DRC1: variants seen among roughly 807,000 people sequenced by gnomAD.
DRC1 encodes dynein regulatory complex protein 1.
A neutral mutation model predicts 98.7 loss-of-function variants in DRC1; 74 were observed. The ratio of observed to expected loss-of-function variants is 0.75; its 90% CI spans 0.62 to 0.91. The LOEUF is 0.91. Ranked by LOEUF, DRC1 falls within the 40% of genes least tolerant of loss-of-function variation. The probability of loss-of-function intolerance (pLI) is 0.00; values close to 1 mark genes in which losing one functional copy is unlikely to be tolerated. For synonymous variants in DRC1, 336 were observed against 334.1 expected (o/e 1.01, Z -0.06); for missense variants, 875 against 886.0 (o/e 0.99, Z 0.16).
chr2:26,430,908 G>T, intron 6 of DRC1, 36 bp downstream of exon 6: 1 of 1,557,712 alleles, frequency 6.4e-7, no homozygotes, highest in East Asian at 2.3e-5. Flanking sequence ...GATCCGTGGG[G>T]TCTGGGTGAT....
At chr2:26,411,372 T>C (rs555223200) in intron 1 of DRC1, among the ~76,000 whole-genome samples, 2 of 152,362 alleles carry the variant, frequency 1.3e-5, no homozygotes, top group African/African-American at 4.8e-5. Context: ...ACTGATGAGA[T>C]ATATTGCAAA....
intron 4 of DRC1, among the ~76,000 whole-genome samples, chr2:26,428,255 C>G (rs554612046): frequency 6.6e-6 from 1 of 152,320 alleles, no homozygotes; most frequent in South Asian, 2.1e-4. Flanking sequence ...GAAATACAGT[C>G]ATGCATCACT....
chr2:26,414,923 T>C (rs1450466727), intron 2 of DRC1, among the ~76,000 whole-genome samples: 1 of 152,170 alleles, frequency 6.6e-6, no homozygotes, highest in Non-Finnish European at 1.5e-5. Flanking sequence ...AACAACCATC[T>C]CAAGACCCAA....
chr2:26,432,709 G>A (rs1358071116), intron 7 of DRC1, among the ~76,000 whole-genome samples: 1 of 152,234 alleles, frequency 6.6e-6, no homozygotes, highest in African/African-American at 2.4e-5. Flanking sequence ...CACTTTGGCT[G>A]TGTCAGAGAG....
At chr2:26,407,822 T>C (rs918345480) in intron 1 of DRC1, among the ~76,000 whole-genome samples, 1 of 152,176 alleles carries the variant, frequency 6.6e-6, no homozygotes, top group South Asian at 2.1e-4. Flanking sequence ...TATGACCCAA[T>C]TGTAGTACAT....
intron 11 of DRC1, 138 bp downstream of exon 11, chr2:26,448,941 G>A: frequency 1.2e-6 from 1 of 856,574 alleles, no homozygotes; most frequent in East Asian, 2.4e-5. Context: ...GCCCTGAGGA[G>A]CAGAGTCAGG....
rs776265505 is a variant in DRC1 at position 26,431,972 on chromosome 2, A to G, written c.854A>G (p.Asn285Ser). ...RQRIWDCEEY[N>S]MIKIKLEQDV... Reference sequence around the variant, plus strand: ...AGGATCTGGGATTGCGAAGAATACAACATGATCAAGATCAAGCTGGAGCAG... The same window carrying G: ...AGGATCTGGGATTGCGAAGAATACAGCATGATCAAGATCAAGCTGGAGCAG... Residue 285 changes from asparagine (N) to serine (S), a missense_variant, in exon 7 of 17, where the codon AAC becomes AGC. Transcript: ENST00000288710. 6.2e-7 allele frequency: 1 copy of G among 1,614,212 alleles called. No homozygotes were observed. The highest frequency in any genetic ancestry group is 8.5e-7 in the Non-Finnish European group (1 of 1,180,010).
At chr2:26,435,987 C>G (rs1663560861) in intron 7 of DRC1, among the ~76,000 whole-genome samples, 1 of 152,104 alleles carries the variant, frequency 6.6e-6, no homozygotes. Context: ...AATGAGATTG[C>G]TGGGTCAAAT....
intron 1 of DRC1, among the ~76,000 whole-genome samples, chr2:26,412,363 C>T (rs1678641374): frequency 6.6e-6 from 1 of 152,092 alleles, no homozygotes; most frequent in African/African-American, 2.4e-5. Context: ...AGCGAAACTC[C>T]GTCTCAAAAA....
Position 26,454,595 on chromosome 2 carries a change from G to T in DRC1, c.1920-52G>T. On this transcript the variant is annotated intron_variant, in intron 14 of 16. Transcript: ENST00000288710. This position sits in a 1 kb window ranked among gnomAD's most constrained non-coding sequence, Gnocchi z 5.2. The stretch of plus-strand genomic sequence containing the variant: ...AGGCCTGTGACTGGCACTGCCTGGG[G>T]GCCTGGGTAGTACCCAATGGACATG... 1.2e-6 allele frequency: 2 copies of T among 1,603,622 alleles called. No homozygotes were observed. The highest frequency in any genetic ancestry group is 1.7e-6 in the Non-Finnish European group (2 of 1,173,860).
intron 10 of DRC1, 150 bp downstream of exon 10, chr2:26,445,098 GCT>G: frequency 1.1e-6 from 1 of 898,386 alleles, no homozygotes; most frequent in Non-Finnish European, 1.6e-6. Flanking sequence ...TTATAGCTTT[GCT>G]CTCTCTCCTG....
chr2:26,453,344 A>G lies in DRC1; in HGVS notation c.1714A>G (p.Met572Val). 3 of 1,613,204 alleles carry G rather than the reference A, an allele frequency of 1.9e-6. No homozygotes were observed. The highest frequency in any genetic ancestry group is 1.3e-5 in the African/African-American group (1 of 74,200). The change falls in exon 14 of 17, where the codon ATG (methionine) becomes GTG (valine). Residue 572 changes from methionine to valine, a missense_variant. Physicochemically the swap from Met to Val is conservative, Grantham distance 21. Transcript: ENST00000288710. The part of the protein sequence containing the change: ...LQIKPCSQAS[M>V]EKASMEETST... ...GATCAAGCCCTGCAGTCAGGCGAGC[A>G]TGGAGAAGGCGAGCATGGAGGAGAC...
chr2:26,443,559 G>A (rs1663772686), intron 8 of DRC1, among the ~76,000 whole-genome samples: 1 of 152,212 alleles, frequency 6.6e-6, no homozygotes, highest in Admixed American at 6.5e-5. Flanking sequence ...TTTCCACGCT[G>A]TACTGTAATT....
At position 26,404,459 on chromosome 2, in the gene DRC1, A is replaced by G. The variant is rs376651934; in HGVS notation, c.155+2315A>G. Reference sequence around the variant, plus strand: ...CAAATTTGCTCTAGTGAAGCTTACCACACTTGCATAGATGCTGTGTTCAGG... The same window carrying G: ...CAAATTTGCTCTAGTGAAGCTTACCGCACTTGCATAGATGCTGTGTTCAGG... On this transcript the variant is annotated intron_variant, in intron 1 of 16. Coordinates refer to ENST00000288710, the MANE Select transcript of DRC1 (RefSeq NM_145038.5). Among the ~76,000 whole-genome samples the G allele has an allele frequency of 4.3e-4, 66 of 152,328 alleles. No homozygotes were observed. The South Asian group carries it at 0.013, about 31-fold the overall frequency.
Position 26,456,586 on chromosome 2 carries a change from A to G in DRC1, c.*69A>G, listed in dbSNP as rs1664184345. 10 of 1,589,852 alleles carry G rather than the reference A, an allele frequency of 6.3e-6. No individual in the cohort carries two copies. In the South Asian group the frequency reaches 7.8e-5, roughly 12 times the overall value. On this transcript the variant is annotated 3_prime_UTR_variant, in exon 17 of 17. Coordinates refer to ENST00000288710, the MANE Select transcript of DRC1 (RefSeq NM_145038.5). ...GGTGTCTGTGCCGGAGCCAGCTCAT[A>G]TCACCCACTGGGCCGCACCTGGGCC... is the stretch of plus-strand genomic sequence containing the variant.
chr2:26,452,478 T>G (rs1664032069), intron 13 of DRC1, among the ~76,000 whole-genome samples: 1 of 152,208 alleles, frequency 6.6e-6, no homozygotes, highest in South Asian at 2.1e-4. Context: ...CAGGCTGCTC[T>G]CGAACTCCTG....
chr2:26,439,936 T>TATATATATATATATATATATATACAC (rs548209014), intron 7 of DRC1, among the ~76,000 whole-genome samples: 33 of 75,496 alleles, frequency 4.4e-4, no homozygotes, highest in African/African-American at 1.2e-3. Context: ...TATATATATA[T>TATATATATATATATATATATATACAC]ACACACACAC....
chr2:26,453,887 G>C (rs1029977666), intron 14 of DRC1, among the ~76,000 whole-genome samples: 5 of 152,218 alleles, frequency 3.3e-5, no homozygotes, highest in Non-Finnish European at 7.3e-5. Context: ...GGAAGTGGCC[G>C]TTTCCATTTG....
At chr2:26,428,690 C>T (rs555345042) in intron 4 of DRC1, among the ~76,000 whole-genome samples, 12 of 151,742 alleles carry the variant, frequency 7.9e-5, no homozygotes, top group Middle Eastern at 3.4e-3. Context: ...CCCAGCTACC[C>T]GGGAGGCTGG....
Sources: gnomAD v4.1 joint callset for allele counts (sites outside exome capture counted in the v4.1 genomes callset) on GRCh38, gnomAD v4.1.1 for gene constraint, Gnocchi (gnomAD v3.1) non-coding constraint, MANE v1.5 for transcripts, NCBI Gene and HGNC (gene_info 2026-07-23, HGNC 2026-07-21) for gene names.